The following TLCD3B variants were observed in gnomAD, a reference collection of about 807,000 sequenced individuals.
TLCD3B encodes TLC domain containing 3B.
Under a neutral mutation model 23.0 loss-of-function variants are expected in TLCD3B, and 9 were observed. That is an observed-to-expected ratio of 0.39 (90% CI 0.24 to 0.68). The LOEUF is 0.68. Among genes scored for constraint, TLCD3B ranks in the 30% least tolerant of loss-of-function variants. The pLI is 0.44. For synonymous variants in TLCD3B, 161 were observed against 161.0 expected (o/e 1.00, Z 0.00); for missense variants, 307 against 371.8 (o/e 0.83, Z 1.43).
chr16:30,028,702 C>T (rs2071251233), intron 2 of TLCD3B, among the ~76,000 whole-genome samples: 1 of 152,158 alleles, frequency 6.6e-6, no homozygotes, highest in Admixed American at 6.5e-5. Flanking sequence ...CCAAATGTTC[C>T]CTGGGACTCA....
chr16:30,027,632 G>A (rs953585668), intron 2 of TLCD3B: 6 of 455,982 alleles, frequency 1.3e-5, no homozygotes, highest in Non-Finnish European at 2.2e-5. Flanking sequence ...GGAAAATGCA[G>A]AGCAAAAGGA....
chr16:30,031,477 T>A (rs772055937), upstream of TLCD3B, among the ~76,000 whole-genome samples: 4 of 152,158 alleles, frequency 2.6e-5, no homozygotes, highest in Non-Finnish European at 5.9e-5. Context: ...CTGACCCTGC[T>A]TCCCATCAGC....
intron 3 of TLCD3B, 32 bp downstream of exon 3, chr16:30,026,577 G>C: frequency 1.3e-6 from 2 of 1,579,748 alleles, no homozygotes; most frequent in African/African-American, 1.3e-5. Context: ...CAGGCCACCC[G>C]CACCCCGCCC....
intron 2 of TLCD3B, among the ~76,000 whole-genome samples, chr16:30,042,923 C>A (rs1426168216): frequency 6.6e-6 from 1 of 151,926 alleles, no homozygotes; most frequent in Admixed American, 6.6e-5. Flanking sequence ...ATGGTGAAAG[C>A]CCATTTCTAC....
chr16:30,035,674 TC>T (rs759819315), upstream of TLCD3B, among the ~76,000 whole-genome samples: 8 of 152,148 alleles, frequency 5.3e-5, no homozygotes, highest in Non-Finnish European at 8.8e-5. Flanking sequence ...ATATTCCTCA[TC>T]CGGGGCAATT....
chr16:30,047,950 T>C (rs1454768333), intron 1 of TLCD3B, among the ~76,000 whole-genome samples: 1 of 151,214 alleles, frequency 6.6e-6, no homozygotes, highest in African/African-American at 2.4e-5. Flanking sequence ...AAGACCAGCC[T>C]GGTCAACATG....
chr16:30,036,103 G>A, upstream of TLCD3B: 1 of 1,238,006 alleles, frequency 8.1e-7, no homozygotes, highest in Non-Finnish European at 1.0e-6. Context: ...TCTTCTGCAT[G>A]CCCCGCCCGC....
At chr16:30,052,673 G>C (rs940212318) in intron 1 of TLCD3B, 1 of 151,534 alleles carries the variant, frequency 6.6e-6, no homozygotes, top group Admixed American at 6.6e-5. Flanking sequence ...CTGCAGCCTG[G>C]GCGACAGAGC....
rs1438138720 is a variant in TLCD3B at position 30,029,241 on chromosome 16, C to T, written c.209+191G>A. Among the ~76,000 whole-genome samples, 5 of 152,154 alleles carry T rather than the reference C, an allele frequency of 3.3e-5. No individual in the cohort carries two copies. Among genetic ancestry groups the T allele is most frequent in the Non-Finnish European group, 5.9e-5 (4 of 68,032 alleles). On this transcript the variant is annotated intron_variant, in intron 2 of 4. Coordinates refer to ENST00000380495, the MANE Select transcript of TLCD3B (RefSeq NM_031478.6). This position sits in a 1 kb window ranked among gnomAD's most constrained non-coding sequence, Gnocchi z 4.6. ...CCGCTCCTTCTCCCCCTGGTTCTGA[C>T]CTTTAAGGACAGGACAGGATAAATT...
Position 30,043,288 on chromosome 16 carries a change from C to T in TLCD3B, c.-228-2132G>A, listed in dbSNP as rs149443097. 1.6e-4 allele frequency among the ~76,000 whole-genome samples: 25 copies of T among 152,182 alleles called. 1 individual carries two copies. In the East Asian group the frequency reaches 4.8e-3, roughly 29 times the overall value. On this transcript the variant is annotated intron_variant, in intron 2 of 6. Coordinates refer to the TLCD3B transcript ENST00000561666. ...TCTCCCTTGATGAAGTACACTGGTACGATTAGCTCACTGTAACCTCAAATT... is the reference window on the plus strand; with the variant it reads ...TCTCCCTTGATGAAGTACACTGGTATGATTAGCTCACTGTAACCTCAAATT...
intron 1 of TLCD3B, among the ~76,000 whole-genome samples, chr16:30,050,569 CG>C (rs368072169): frequency 2.6e-5 from 4 of 152,056 alleles, no homozygotes; most frequent in African/African-American, 9.7e-5. Context: ...AAACAAAAAC[CG>C]GAAGACAGCC....
At chr16:30,038,784 A>G (rs2071521705) in intron 3 of TLCD3B, among the ~76,000 whole-genome samples, 1 of 152,150 alleles carries the variant, frequency 6.6e-6, no homozygotes, top group African/African-American at 2.4e-5. Flanking sequence ...AATTAAAAAT[A>G]TCAAGTCATT....
chr16:30,030,520 G>A lies in TLCD3B; in HGVS notation c.8C>T (p.Thr3Ile), dbSNP rs1368799017. 3.8e-6 allele frequency: 6 copies of A among 1,582,790 alleles called. No homozygotes were observed. The highest frequency in any genetic ancestry group is 2.0e-5 in the Admixed American group (1 of 50,964). ML[T>I]PMVAGGVVFP... Reference sequence around the variant, plus strand: ...CACCACCCCCCCGGCCACCATCGGGGTCAGCATGGTGGCTCAGGACTTGGG... The same window carrying A: ...CACCACCCCCCCGGCCACCATCGGGATCAGCATGGTGGCTCAGGACTTGGG... The change falls in exon 1 of 5, where the codon ACC becomes ATC. Residue 3 changes from threonine (T) to isoleucine (I), a missense_variant. Coordinates refer to ENST00000380495, the MANE Select transcript of TLCD3B (RefSeq NM_031478.6).
chr16:30,025,352 G>T lies in TLCD3B; in HGVS notation c.656C>A (p.Ala219Asp), dbSNP rs2071070716. Reference protein sequence around the residue: ...PYLYWAYGRHAGLPLLAVPLA... With the variant: ...PYLYWAYGRHDGLPLLAVPLA... ...GGGCACGGCCAGCAGGGGCAGGCCGGCATGGCGCCCGTAGGCCCAGTACAG... is the reference window on the plus strand; with the variant it reads ...GGGCACGGCCAGCAGGGGCAGGCCGTCATGGCGCCCGTAGGCCCAGTACAG... Residue 219 changes from alanine (A) to aspartate (D), a missense_variant, in exon 5 of 5, where the codon GCC becomes GAC. Transcript: ENST00000380495. The surrounding 1 kb of genome is among the most constrained non-coding windows in gnomAD (Gnocchi z 4.1). 1.3e-6 allele frequency: 2 copies of T among 1,592,884 alleles called. No homozygotes were observed. The highest frequency in any genetic ancestry group is 1.7e-6 in the Non-Finnish European group (2 of 1,169,324).
Position 30,025,182 on chromosome 16 carries a change from C to G in TLCD3B, c.*1G>C. 6.9e-7 allele frequency: 1 copy of G among 1,451,524 alleles called. No individual in the cohort carries two copies. Among genetic ancestry groups the G allele is most frequent in the Non-Finnish European group, 9.0e-7 (1 of 1,106,348 alleles). 89.9% of individuals were successfully genotyped at this position (1,451,524 alleles called of 1,614,324 possible). ...GAGGGGGAGGGTCCCGGCCCCCGGC[C>G]TCAGTCCTGGGCCTGGCAGGCCGGG... is the stretch of plus-strand genomic sequence containing the variant. On this transcript the variant is annotated 3_prime_UTR_variant, in exon 5 of 5. Transcript: ENST00000380495. This position sits in a 1 kb window ranked among gnomAD's most constrained non-coding sequence, Gnocchi z 4.1.
At chr16:30,041,250 ATTTC>A (rs2071575671) in intron 2 of TLCD3B, 1 of 151,832 alleles carries the variant, frequency 6.6e-6, no homozygotes, top group Admixed American at 6.6e-5. Context: ...CTTTTATTTT[ATTTC>A]TTTATGTATT....
chr16:30,044,833 C>T (rs962844146), intron 2 of TLCD3B, among the ~76,000 whole-genome samples: 1 of 152,062 alleles, frequency 6.6e-6, no homozygotes, highest in African/African-American at 2.4e-5. Context: ...GTAATCCCAG[C>T]ACTTTGGAGG....
chr16:30,048,212 C>T (rs1288193167), intron 1 of TLCD3B, among the ~76,000 whole-genome samples: 2 of 151,570 alleles, frequency 1.3e-5, no homozygotes, highest in African/African-American at 4.8e-5. Flanking sequence ...GAGATTCTTC[C>T]ACCTCAGCTT....
rs779783933 is a variant in TLCD3B, at chr16:30,025,811, T to C, written c.455A>G (p.Gln152Arg). 3 of 1,613,732 alleles carry C rather than the reference T, an allele frequency of 1.9e-6. No individual in the cohort carries two copies. The South Asian group carries it at 3.3e-5, about 18-fold the overall frequency. ...ACCCAGAAAGAAGTCTCCCTTACCC[T>C]GTCGCCACACCTGGGCACAGAGGCA... ...VCFPLSVVWRQGKGDFFLGCM... is the reference protein window; with the variant it reads ...VCFPLSVVWRRGKGDFFLGCM... Residue 152 changes from glutamine (Q) to arginine (R), a missense_variant, in exon 4 of 5, where the codon CAG (glutamine) becomes CGG (arginine). Physicochemically the swap from Gln to Arg is conservative, Grantham distance 43 (BLOSUM62 1). Transcript: ENST00000380495. This position sits in a 1 kb window ranked among gnomAD's most constrained non-coding sequence, Gnocchi z 4.1.
Sources: allele counts gnomAD v4.1 joint callset (sites outside exome capture counted in the v4.1 genomes callset), GRCh38; gene constraint gnomAD v4.1.1; non-coding constraint Gnocchi (gnomAD v3.1); transcripts MANE v1.5; gene names NCBI Gene and HGNC (gene_info 2026-07-23, HGNC 2026-07-21).